The following EPHA7 variants were observed in gnomAD, a reference collection of about 807,000 sequenced individuals.
The protein encoded by EPHA7 is EPH receptor A7, also known as ephrin type-A receptor 7.
A neutral mutation model predicts 112.6 loss-of-function variants in EPHA7; 25 were observed. The ratio of observed to expected loss-of-function variants is 0.22; its 90% CI spans 0.16 to 0.31. The LOEUF (loss-of-function observed/expected upper bound fraction) is 0.31. EPHA7 is among the 10% of genes least tolerant of loss of function. The pLI is 1.00. For missense variants in EPHA7, 962 were observed against 1,212.6 expected (o/e 0.79, Z 3.07); for synonymous variants, 437 against 406.5 (o/e 1.07, Z -0.90).
chr6:93,294,034 C>A (rs1772524600), intron 5 of EPHA7, among the ~76,000 whole-genome samples: 1 of 152,076 alleles, frequency 6.6e-6, no homozygotes, highest in Non-Finnish European at 1.5e-5. Flanking sequence ...CAATTATGGA[C>A]AGGAGATTTA....
chr6:93,415,593 T>G (rs1312678225), intron 1 of EPHA7, among the ~76,000 whole-genome samples: 1 of 152,082 alleles, frequency 6.6e-6, no homozygotes, highest in Non-Finnish European at 1.5e-5. Flanking sequence ...TTCTATTTGA[T>G]ATATTTTATT....
At chr6:93,312,923 A>C (rs183165587) in intron 5 of EPHA7, among the ~76,000 whole-genome samples, 1 of 152,312 alleles carries the variant, frequency 6.6e-6, no homozygotes, top group Non-Finnish European at 1.5e-5. Flanking sequence ...TTGGTGGAGC[A>C]GTTGGAACAC....
In EPHA7 at chr6:93,289,608, T is replaced by C. The variant is rs144421139; in HGVS notation, c.1325-17186A>G. Among the ~76,000 whole-genome samples the C allele has an allele frequency of 8.3e-4, 126 of 151,954 alleles. 3 individuals carry two copies. In the East Asian group the frequency reaches 0.023, roughly 28 times the overall value. ...CACTGCACTGGAGCCTGGGTGACAG[T>C]GCAAGACTCCATCTCAAAAAAATAA... On this transcript the variant is annotated intron_variant, in intron 5 of 16. Transcript: ENST00000369303.
intron 3 of EPHA7, among the ~76,000 whole-genome samples, chr6:93,401,327 T>C (rs759883639): frequency 6.6e-6 from 1 of 152,128 alleles, no homozygotes; most frequent in African/African-American, 2.4e-5. Flanking sequence ...ATGTCATTCA[T>C]CGACGCTAAA....
chr6:93,323,896 C>T (rs1562096951), intron 5 of EPHA7, among the ~76,000 whole-genome samples: 1 of 151,462 alleles, frequency 6.6e-6, no homozygotes, highest in African/African-American at 2.4e-5. Flanking sequence ...GAGTTATCTA[C>T]AACTGAAATA....
intron 3 of EPHA7, among the ~76,000 whole-genome samples, chr6:93,372,994 G>A (rs1217367770): frequency 6.6e-6 from 1 of 151,430 alleles, no homozygotes; most frequent in Non-Finnish European, 1.5e-5. Flanking sequence ...CTGAATTATG[G>A]TATATACTCT....
At chr6:93,352,825 T>C (rs1255534802) in intron 5 of EPHA7, among the ~76,000 whole-genome samples, 1 of 152,032 alleles carries the variant, frequency 6.6e-6, no homozygotes, top group Non-Finnish European at 1.5e-5. Context: ...CTTAGCAAAC[T>C]AACACAGGAA....
chr6:93,357,754 A>G (rs1040609095), intron 4 of EPHA7, among the ~76,000 whole-genome samples: 1 of 151,982 alleles, frequency 6.6e-6, no homozygotes, highest in African/African-American at 2.4e-5. Context: ...CCCAGGTTCA[A>G]GTGATTCTCC....
chr6:93,260,172 A>G (rs904949510), intron 9 of EPHA7, among the ~76,000 whole-genome samples: 3 of 151,926 alleles, frequency 2.0e-5, no homozygotes, highest in Admixed American at 6.6e-5. Flanking sequence ...CAAGTATGAC[A>G]GCGATTTGAA....
chr6:93,397,018 T>C lies in EPHA7; in HGVS notation c.832+13483A>G, dbSNP rs979469293. ...TTATTTTTAGTGTTACTGTTTTCATTAAAATTGAGAACATTATCAAATTAT... is the reference window on the plus strand; with the variant it reads ...TTATTTTTAGTGTTACTGTTTTCATCAAAATTGAGAACATTATCAAATTAT... On this transcript the variant is annotated intron_variant, in intron 3 of 16. Coordinates refer to ENST00000369303, the MANE Select transcript of EPHA7 (RefSeq NM_004440.4). 1.7e-4 allele frequency among the ~76,000 whole-genome samples: 26 copies of C among 151,756 alleles called. 1 individual carries two copies. Among genetic ancestry groups the C allele is most frequent in the Non-Finnish European group, 2.9e-5 (2 of 67,822 alleles).
At position 93,356,710 on chromosome 6, in the gene EPHA7, A is replaced by G; in HGVS notation, c.1324+7T>C. On this transcript the variant is annotated splice_region_variant and intron_variant, in intron 5 of 16. Transcript: ENST00000369303. ...TTTCATTCAGTGAAGATAAACACAA[A>G]ACATACCTGCTTGACCAGTGGTGAT... The G allele has an allele frequency of 6.2e-7, 1 of 1,600,172 alleles. No homozygotes were observed. Among genetic ancestry groups the G allele is most frequent in the Non-Finnish European group, 8.5e-7 (1 of 1,173,012 alleles).
In EPHA7 at chr6:93,290,350, C is replaced by T. The variant is rs368610601; in HGVS notation, c.1325-17928G>A. Among the ~76,000 whole-genome samples, 4 of 152,052 alleles carry T rather than the reference C, an allele frequency of 2.6e-5. 1 individual carries two copies. The highest frequency in any genetic ancestry group is 6.5e-5 in the Admixed American group (1 of 15,282). On this transcript the variant is annotated intron_variant, in intron 5 of 16. Coordinates refer to ENST00000369303, the MANE Select transcript of EPHA7 (RefSeq NM_004440.4). ...GAAATATTTCTCATTTAATATAATG[C>T]TGTCATGGAAACTGTATTGGCTCAT...
chr6:93,368,311 G>A (rs2127957184), intron 3 of EPHA7, among the ~76,000 whole-genome samples: 1 of 152,100 alleles, frequency 6.6e-6, no homozygotes, highest in East Asian at 1.9e-4. Flanking sequence ...CACCTTTCCT[G>A]CCAAAGCTGT....
At chr6:93,401,025 A>G (rs1447431907) in intron 3 of EPHA7, among the ~76,000 whole-genome samples, 1 of 152,108 alleles carries the variant, frequency 6.6e-6, no homozygotes, top group Admixed American at 6.6e-5. Flanking sequence ...GTTGTAATTC[A>G]GTGTTAATGG....
At chr6:93,409,795 AG>A (rs1778887287) in intron 3 of EPHA7, 1 of 151,694 alleles carries the variant, frequency 6.6e-6, no homozygotes, top group Non-Finnish European at 1.5e-5. Flanking sequence ...CAAAGAAAAA[AG>A]TTTACTAATT....
intron 12 of EPHA7, 81 bp downstream of exon 12, chr6:93,257,381 T>C: frequency 9.5e-7 from 1 of 1,056,150 alleles, no homozygotes; most frequent in Non-Finnish European, 1.4e-6. Context: ...GCTCTCATTT[T>C]ACATTGCAAA....
chr6:93,376,610 T>C (rs1466997705), intron 3 of EPHA7, among the ~76,000 whole-genome samples: 2 of 152,194 alleles, frequency 1.3e-5, no homozygotes, highest in Non-Finnish European at 2.9e-5. Flanking sequence ...CCTTCCCTTA[T>C]AAAATAACAT....
intron 5 of EPHA7, among the ~76,000 whole-genome samples, chr6:93,321,996 T>C (rs891602939): frequency 4.6e-5 from 7 of 151,846 alleles, no homozygotes; most frequent in Non-Finnish European, 1.0e-4. Flanking sequence ...AGGACATTAA[T>C]ACTACTTACG....
chr6:93,262,010 T>C (rs891143421), intron 9 of EPHA7, among the ~76,000 whole-genome samples: 1 of 151,390 alleles, frequency 6.6e-6, no homozygotes, highest in Admixed American at 6.6e-5. Context: ...ATATGCTCAA[T>C]AAATAAAAGA....
Sources: gnomAD v4.1 joint callset for allele counts (sites outside exome capture counted in the v4.1 genomes callset) on GRCh38, gnomAD v4.1.1 for gene constraint, MANE v1.5 for transcripts, NCBI Gene and HGNC (gene_info 2026-07-23, HGNC 2026-07-21) for gene names.